Variants in TNRC6B observed in about 807,000 individuals in gnomAD.
TNRC6B encodes trinucleotide repeat containing adaptor 6B.
A neutral mutation model predicts 203.6 loss-of-function variants in TNRC6B; 52 were observed. The observed-to-expected ratio is 0.26, with a 90% CI of 0.20 to 0.32. TNRC6B has a LOEUF of 0.32. Ranked by LOEUF, TNRC6B falls within the 10% of genes least tolerant of loss-of-function variation. The pLI is 1.00. For synonymous variants in TNRC6B, 838 were observed against 845.7 expected (o/e 0.99, Z 0.16); for missense variants, 1,923 against 2,286.2 (o/e 0.84, Z 3.24).
intron 2 of TNRC6B, among the ~76,000 whole-genome samples, chr22:40,250,544 A>G (rs968567606): frequency 1.3e-5 from 2 of 152,142 alleles, no homozygotes; most frequent in African/African-American, 4.8e-5. Flanking sequence ...GCTATTTTAT[A>G]TAAGTGTTGA....
At chr22:40,131,080 C>T (rs2146328845) in intron 3 of TNRC6B, among the ~76,000 whole-genome samples, 1 of 151,748 alleles carries the variant, frequency 6.6e-6, no homozygotes, top group Middle Eastern at 3.4e-3. Flanking sequence ...ATTTTTTGCC[C>T]AGATAATTTT....
chr22:40,136,559 C>T (rs1231044689), intron 3 of TNRC6B, among the ~76,000 whole-genome samples: 1 of 151,610 alleles, frequency 6.6e-6, no homozygotes, highest in Admixed American at 6.6e-5. Context: ...GCCACCACAC[C>T]GAGCTAAATT....
intron 3 of TNRC6B, among the ~76,000 whole-genome samples, chr22:40,254,848 T>C (rs1288741995): frequency 6.6e-6 from 1 of 151,982 alleles, no homozygotes; most frequent in Non-Finnish European, 1.5e-5. Context: ...GATCATGCCA[T>C]TGCACTCCAG....
At chr22:40,066,931 G>A (rs1411335414) in intron 1 of TNRC6B, among the ~76,000 whole-genome samples, 1 of 146,688 alleles carries the variant, frequency 6.8e-6, no homozygotes, top group Non-Finnish European at 1.5e-5. Flanking sequence ...TTGAGACAGA[G>A]TTTCACTCTG....
chr22:40,145,169 T>C (rs4588292), intron 3 of TNRC6B, among the ~76,000 whole-genome samples: 54,366 of 151,568 alleles, frequency 0.36, 13,096 homozygotes, highest in African/African-American at 0.69. Flanking sequence ...TCACTTGAAT[T>C]CGGGATGTCA....
intron 4 of TNRC6B, among the ~76,000 whole-genome samples, chr22:40,166,112 C>T (rs1057512426): frequency 7.2e-5 from 11 of 152,104 alleles, no homozygotes; most frequent in Non-Finnish European, 1.3e-4. Context: ...CAGGGGCTCT[C>T]CTGAAGGTCT....
chr22:40,153,400 G>C (rs544820073), intron 3 of TNRC6B, among the ~76,000 whole-genome samples: 1 of 152,106 alleles, frequency 6.6e-6, no homozygotes, highest in African/African-American at 2.4e-5. Context: ...AATCCAGTTC[G>C]GAGCAGGAGA....
chr22:40,261,737 C>T (rs925884135), intron 3 of TNRC6B, 95 bp from the exon 4 acceptor site: 19 of 1,099,440 alleles, frequency 1.7e-5, no homozygotes, highest in Non-Finnish European at 2.3e-5. Context: ...GGCAAGACCC[C>T]ATCTCTAAAT....
At chr22:40,190,660 G>A (rs1403516418) in intron 1 of TNRC6B, among the ~76,000 whole-genome samples, 2 of 152,228 alleles carry the variant, frequency 1.3e-5, no homozygotes, top group African/African-American at 2.4e-5. Flanking sequence ...GCCATGGCCA[G>A]CAGCTCTCTG....
intron 3 of TNRC6B, among the ~76,000 whole-genome samples, chr22:40,138,454 C>T (rs1357805495): frequency 1.3e-5 from 2 of 151,994 alleles, no homozygotes; most frequent in East Asian, 1.9e-4. Context: ...TTAGTAGAGA[C>T]GGGGTTTCGC....
In TNRC6B at chr22:40,265,764, A is replaced by G. The variant is rs768116213; in HGVS notation, c.1534A>G (p.Lys512Glu). Residue 512 changes from lysine to glutamate, a missense_variant, in exon 5 of 23, where the codon AAA (lysine) becomes GAA (glutamate). By Grantham distance (56) the Lys-to-Glu change is moderately conservative. Around this residue, in one of 8 missense-constraint regions of TNRC6B, gnomAD observed 614 missense variants for 587.7 expected, o/e 1.04. Coordinates refer to ENST00000454349, the MANE Select transcript of TNRC6B (RefSeq NM_001162501.2). Reference sequence around the variant, plus strand: ...ATCTGGGGTCTCTCAGGGAGAATGGAAACAGCCGACTGGGTCTGATGAGTT... The same window carrying G: ...ATCTGGGGTCTCTCAGGGAGAATGGGAACAGCCGACTGGGTCTGATGAGTT... ...MTSGVSQGEW[K>E]QPTGSDELKI... 2 of 1,614,014 alleles carry G rather than the reference A, an allele frequency of 1.2e-6. No homozygotes were observed. The highest frequency in any genetic ancestry group is 1.7e-6 in the Non-Finnish European group (2 of 1,179,894).
chr22:40,113,064 G>C (rs866873993), intron 1 of TNRC6B, among the ~76,000 whole-genome samples: 6 of 152,066 alleles, frequency 3.9e-5, no homozygotes, highest in Non-Finnish European at 7.4e-5. Flanking sequence ...CTGAGATTGC[G>C]TCACTGCACT....
intron 1 of TNRC6B, among the ~76,000 whole-genome samples, chr22:40,183,582 C>G (rs2069163326): frequency 6.6e-6 from 1 of 152,122 alleles, no homozygotes; most frequent in Non-Finnish European, 1.5e-5. Context: ...ATGAATTGGT[C>G]TTAGAGTTTA....
In TNRC6B at chr22:40,267,016, T is replaced by A. The variant is rs1319240623; in HGVS notation, c.2786T>A (p.Met929Lys). ...CGAGAACCAAACCTGCCCACCCCAA[T>A]GACCAGTAAATCGGCATCAGGTAAG... ...APREPNLPTPMTSKSASVWSK... is the reference protein window; with the variant it reads ...APREPNLPTPKTSKSASVWSK... The change falls in exon 5 of 23, where the codon ATG becomes AAG. Residue 929 changes from methionine (M) to lysine (K), a missense_variant. Met to Lys is a moderately conservative substitution (Grantham distance 95, BLOSUM62 -1). Transcript: ENST00000454349. The A allele has an allele frequency of 1.2e-6, 2 of 1,602,948 alleles. No homozygotes were observed. Among genetic ancestry groups the A allele is most frequent in the Non-Finnish European group, 1.7e-6 (2 of 1,174,320 alleles).
chr22:40,254,229 A>G (rs1601923205), intron 3 of TNRC6B, among the ~76,000 whole-genome samples: 1 of 152,352 alleles, frequency 6.6e-6, no homozygotes, highest in Non-Finnish European at 1.5e-5. Context: ...TAGAACTAAA[A>G]GAGTTTGATG....
At chr22:40,207,418 A>AAAAT (rs1475466762) in intron 1 of TNRC6B, among the ~76,000 whole-genome samples, 51 of 128,840 alleles carry the variant, frequency 4.0e-4, no homozygotes, top group East Asian at 2.1e-3. Flanking sequence ...AAAAAAAAAA[A>AAAAT]ATATATATAT....
chr22:40,297,931 G>A (rs949800915), intron 12 of TNRC6B, among the ~76,000 whole-genome samples: 35 of 152,006 alleles, frequency 2.3e-4, no homozygotes, highest in African/African-American at 8.2e-4. Flanking sequence ...GACCATCCTG[G>A]CTAACATGGT....
rs202234628 is a variant in TNRC6B at position 40,310,805 on chromosome 22, C to G, written c.4259-12C>G. On this transcript the variant is annotated splice_polypyrimidine_tract_variant and intron_variant, in intron 16 of 22. Transcript: ENST00000454349. ...GTTATTCTGGATGATTTAATTTCCT[C>G]TCTTTTCTCAGGCGCTATAGTGGCC... is the stretch of plus-strand genomic sequence containing the variant. 13 of 1,600,368 alleles carry G rather than the reference C, an allele frequency of 8.1e-6. No individual in the cohort carries two copies. The highest frequency in any genetic ancestry group is 1.1e-5 in the Non-Finnish European group (13 of 1,173,840).
intron 1 of TNRC6B, among the ~76,000 whole-genome samples, chr22:40,219,758 G>A (rs565325413): frequency 1.3e-5 from 2 of 152,148 alleles, no homozygotes; most frequent in South Asian, 2.1e-4. Context: ...CACCTTATCC[G>A]AAGGACCCAT....
Sources: gnomAD v4.1 joint callset for allele counts (sites outside exome capture counted in the v4.1 genomes callset) on GRCh38, gnomAD v4.1.1 for gene constraint, gnomAD v4.1.1 regional missense constraint, MANE v1.5 for transcripts, NCBI Gene and HGNC (gene_info 2026-07-23, HGNC 2026-07-21) for gene names.